PCDHA10: variants seen among roughly 807,000 people sequenced by gnomAD.
PCDHA10 encodes protocadherin alpha-10.
PCDHA10 carries 45 observed loss-of-function variants against 61.2 expected under a neutral mutation model. The observed-to-expected ratio is 0.74, with a 90% CI of 0.58 to 0.94. The LOEUF (loss-of-function observed/expected upper bound fraction) is 0.94. PCDHA10 is among the 40% of genes least tolerant of loss of function. PCDHA10 has a pLI of 0.00. For missense variants in PCDHA10, 1,278 were observed against 1,236.2 expected (o/e 1.03, Z -0.51); for synonymous variants, 602 against 548.8 (o/e 1.10, Z -1.35).
intron 1 of PCDHA10, among the ~76,000 whole-genome samples, chr5:140,944,014 C>A (rs1205860914): frequency 1.3e-5 from 2 of 152,022 alleles, no homozygotes; most frequent in African/African-American, 2.4e-5. Context: ...CCCCCAAAAG[C>A]AATTATCTTC....
intron 1 of PCDHA10, chr5:140,883,561 C>T: frequency 1.2e-6 from 2 of 1,614,156 alleles, no homozygotes; most frequent in Non-Finnish European, 1.7e-6. Flanking sequence ...GGGACGGGGG[C>T]TCGCCTTCGC....
At chr5:140,884,410 G>A (rs1562804321) in intron 1 of PCDHA10, 1 of 1,614,004 alleles carries the variant, frequency 6.2e-7, no homozygotes, top group Non-Finnish European at 8.5e-7. Context: ...TGGTGCTCAC[G>A]TTGCTGCTGT....
At chr5:140,971,244 A>G (rs1389573593) in intron 1 of PCDHA10, among the ~76,000 whole-genome samples, 6 of 152,174 alleles carry the variant, frequency 3.9e-5, no homozygotes, top group Non-Finnish European at 8.8e-5. Context: ...GGGCAATTTG[A>G]TACATAAACT....
At chr5:140,990,284 T>C (rs2097384646) in intron 3 of PCDHA10, among the ~76,000 whole-genome samples, 1 of 152,142 alleles carries the variant, frequency 6.6e-6, no homozygotes, top group African/African-American at 2.4e-5. Flanking sequence ...GGTCTTGAGA[T>C]TATCGATGCC....
At position 140,967,566 on chromosome 5, in the gene PCDHA10, G is replaced by T. The variant is rs1586227015; in HGVS notation, c.2389-11383G>T. The stretch of plus-strand genomic sequence containing the variant: ...CAGTCCACTTATCGCGTCCAGCTAC[G>T]GGAGGACTCACCCCCAGGCACATTG... On this transcript the variant is annotated intron_variant, in intron 1 of 3. Coordinates refer to ENST00000307360, the MANE Select transcript of PCDHA10 (RefSeq NM_018901.4). 6 of 1,614,060 alleles carry T rather than the reference G, an allele frequency of 3.7e-6. No homozygotes were observed. In the East Asian group the frequency reaches 1.3e-4, roughly 36 times the overall value.
chr5:140,879,836 G>A, intron 1 of PCDHA10, among the ~76,000 whole-genome samples: 1 of 152,186 alleles, frequency 6.6e-6, no homozygotes, highest in Non-Finnish European at 1.5e-5. Flanking sequence ...GCTTGTGGCT[G>A]TACCACTCCC....
intron 1 of PCDHA10, chr5:140,969,203 G>T (rs781962982): frequency 8.1e-6 from 13 of 1,614,178 alleles, no homozygotes; most frequent in Non-Finnish European, 1.1e-5. Flanking sequence ...CAATACAGGG[G>T]CCCAGACAGG....
chr5:140,962,889 A>G (rs1554226313), intron 1 of PCDHA10, among the ~76,000 whole-genome samples: 2 of 152,220 alleles, frequency 1.3e-5, no homozygotes, highest in Admixed American at 6.5e-5. Flanking sequence ...GAATTAAAAA[A>G]TGAAAACTAG....
At chr5:140,987,444 C>T (rs2097254283) in intron 3 of PCDHA10, among the ~76,000 whole-genome samples, 2 of 151,998 alleles carry the variant, frequency 1.3e-5, no homozygotes, top group Admixed American at 6.6e-5. Flanking sequence ...TCCCCATGCC[C>T]GAGAGATAAT....
At chr5:141,005,184 A>G (rs964423938) in intron 3 of PCDHA10, among the ~76,000 whole-genome samples, 27 of 152,196 alleles carry the variant, frequency 1.8e-4, no homozygotes, top group Non-Finnish European at 3.7e-4. Flanking sequence ...CACTTCTCAC[A>G]TCAGTCCTTT....
chr5:140,874,266 T>C (rs1554167103), intron 1 of PCDHA10, among the ~76,000 whole-genome samples: 2 of 152,222 alleles, frequency 1.3e-5, no homozygotes, highest in Admixed American at 1.3e-4. Context: ...TTGACTTGAG[T>C]ATTAATAGAC....
rs781944777 is a variant in PCDHA10, at chr5:140,978,930, T to A, written c.2389-19T>A. ...TTGTCTTGTCATTTTAACAGAAAAC[T>A]CTCTTTGTGATTTTGCAGCCACGAC... On this transcript the variant is annotated intron_variant, in intron 1 of 3. Transcript: ENST00000307360. The A allele has an allele frequency of 1.2e-6, 2 of 1,614,088 alleles. No homozygotes were observed. The highest frequency in any genetic ancestry group is 8.5e-7 in the Non-Finnish European group (1 of 1,180,010).
At chr5:140,997,702 T>C (rs548432387) in intron 3 of PCDHA10, among the ~76,000 whole-genome samples, 1 of 150,740 alleles carries the variant, frequency 6.6e-6, no homozygotes, top group Non-Finnish European at 1.5e-5. Context: ...GTGTGTATGT[T>C]AACAAACACC....
At position 140,856,165 on chromosome 5, in the gene PCDHA10, A is replaced by T; in HGVS notation, c.117A>T (p.Arg39Ser). The stretch of plus-strand genomic sequence containing the variant: ...ACTACTCAGTCTACGAGGAGGCCAG[A>T]CACGGCACCTTCGTGGGCCGCATCG... ...QLHYSVYEEARHGTFVGRIAQ... is the reference protein window; with the variant it reads ...QLHYSVYEEASHGTFVGRIAQ... The change falls in exon 1 of 4, where the codon AGA (arginine) becomes AGT (serine). Residue 39 changes from arginine (R) to serine (S), a missense_variant. By Grantham distance (110) the Arg-to-Ser change is moderately radical (BLOSUM62 -1). Transcript: ENST00000307360. 1 of 1,598,366 alleles carries T rather than the reference A, an allele frequency of 6.3e-7. No individual in the cohort carries two copies. The highest frequency in any genetic ancestry group is 1.1e-5 in the South Asian group (1 of 90,516).
chr5:140,973,815 A>C (rs2096603789), intron 1 of PCDHA10, among the ~76,000 whole-genome samples: 1 of 152,224 alleles, frequency 6.6e-6, no homozygotes, highest in African/African-American at 2.4e-5. Flanking sequence ...CAGAATAGCA[A>C]AGTCAGTTCT....
At chr5:140,975,200 C>T (rs1469690831) in intron 1 of PCDHA10, among the ~76,000 whole-genome samples, 1 of 152,224 alleles carries the variant, frequency 6.6e-6, no homozygotes, top group Non-Finnish European at 1.5e-5. Context: ...GCTCCATCTT[C>T]ATGGCTGGCA....
At chr5:140,994,733 C>G (rs2097647887) in intron 3 of PCDHA10, among the ~76,000 whole-genome samples, 1 of 152,034 alleles carries the variant, frequency 6.6e-6, no homozygotes, top group Non-Finnish European at 1.5e-5. Context: ...CTGGGTATTG[C>G]AGGATGGCAA....
At chr5:140,956,994 A>T (rs2095325479) in intron 1 of PCDHA10, among the ~76,000 whole-genome samples, 1 of 152,168 alleles carries the variant, frequency 6.6e-6, no homozygotes, top group Non-Finnish European at 1.5e-5. Flanking sequence ...AATTCAAGGA[A>T]GTGGTCTGAA....
intron 1 of PCDHA10, among the ~76,000 whole-genome samples, chr5:140,956,151 C>A (rs1193859248): frequency 6.6e-6 from 1 of 152,156 alleles, no homozygotes; most frequent in African/African-American, 2.4e-5. Flanking sequence ...CTTTCTCTTT[C>A]CTAATTGCCA....
Sources: gnomAD v4.1 joint callset for allele counts (sites outside exome capture counted in the v4.1 genomes callset) on GRCh38, gnomAD v4.1.1 for gene constraint, MANE v1.5 for transcripts, NCBI Gene and HGNC (gene_info 2026-07-23, HGNC 2026-07-21) for gene names.